Variants in IQCM observed in about 807,000 individuals in gnomAD.
IQCM encodes IQ motif containing M, also known as IQ domain-containing protein M.
Under a neutral mutation model 57.6 loss-of-function variants are expected in IQCM, and 45 were observed. The observed-to-expected ratio is 0.78, with a 90% CI of 0.62 to 1.00. The LOEUF is 1.00. IQCM is among the 50% of genes least tolerant of loss of function. The pLI is 0.00. For missense variants in IQCM, 468 were observed against 511.6 expected, an observed-to-expected ratio of 0.91 and a Z score of 0.82; for synonymous variants, 148 against 158.9, an observed-to-expected ratio of 0.93 and a Z score of 0.51.
intron 12 of IQCM, among the ~76,000 whole-genome samples, chr4:149,515,271 C>G (rs1744838864): frequency 6.6e-6 from 1 of 152,078 alleles, no homozygotes; most frequent in Non-Finnish European, 1.5e-5. Context: ...ATCAAGTCAC[C>G]ATGCGACCTG....
At chr4:149,593,347 A>G (rs1303959972) in intron 8 of IQCM, among the ~76,000 whole-genome samples, 2 of 152,068 alleles carry the variant, frequency 1.3e-5, no homozygotes, top group African/African-American at 2.4e-5. Flanking sequence ...CAGCTTAAGG[A>G]GATTTTGGGC....
intron 12 of IQCM, among the ~76,000 whole-genome samples, chr4:149,470,682 A>C (rs2149727704): frequency 6.6e-6 from 1 of 152,312 alleles, no homozygotes; most frequent in Middle Eastern, 3.4e-3. Flanking sequence ...TCTTCTCAGC[A>C]ATACATCACA....
chr4:149,357,788 T>C (rs1729118371), intron 13 of IQCM, among the ~76,000 whole-genome samples: 1 of 152,198 alleles, frequency 6.6e-6, no homozygotes, highest in African/African-American at 2.4e-5. Context: ...TTCCCTCTTT[T>C]TCTGTTGATT....
At chr4:149,812,509 C>CACACAG (rs1554045624) in intron 2 of IQCM, among the ~76,000 whole-genome samples, 53 of 146,214 alleles carry the variant, frequency 3.6e-4, no homozygotes, top group South Asian at 1.9e-3. Flanking sequence ...CACAGACACA[C>CACACAG]ACACACACAC....
At chr4:149,746,331 G>A (rs1767932404) in intron 2 of IQCM, among the ~76,000 whole-genome samples, 2 of 151,960 alleles carry the variant, frequency 1.3e-5, no homozygotes, top group African/African-American at 4.8e-5. Context: ...AATTCATCAA[G>A]TCTTCTAGGT....
chr4:149,489,019 T>C (rs887712598), intron 12 of IQCM, among the ~76,000 whole-genome samples: 1 of 152,152 alleles, frequency 6.6e-6, no homozygotes, highest in African/African-American at 2.4e-5. Context: ...CCCATCTAGC[T>C]AAAAGACTTT....
intron 13 of IQCM, among the ~76,000 whole-genome samples, chr4:149,407,815 CAT>C (rs1263504904): frequency 5.3e-5 from 8 of 152,252 alleles, no homozygotes; most frequent in African/African-American, 1.4e-4. Context: ...CTACAATAAA[CAT>C]ATAAACACAG....
chr4:149,728,461 T>C (rs964422144), intron 5 of IQCM, among the ~76,000 whole-genome samples: 3 of 152,216 alleles, frequency 2.0e-5, no homozygotes, highest in Non-Finnish European at 2.9e-5. Flanking sequence ...CACTGAGCTT[T>C]GTATATTTAC....
At chr4:149,355,135 TATA>T (rs1328461882) in intron 13 of IQCM, among the ~76,000 whole-genome samples, 1 of 152,170 alleles carries the variant, frequency 6.6e-6, no homozygotes, top group Non-Finnish European at 1.5e-5. Flanking sequence ...CACTGGCAAT[TATA>T]ATATTATTAT....
intron 12 of IQCM, among the ~76,000 whole-genome samples, chr4:149,439,950 T>C (rs1374360984): frequency 2.0e-5 from 3 of 148,760 alleles, no homozygotes; most frequent in Admixed American, 6.8e-5. Flanking sequence ...TCCAATTAAG[T>C]GTTGCTATTC....
At chr4:149,514,636 T>C (rs956673791) in intron 12 of IQCM, 1 of 152,236 alleles carries the variant, frequency 6.6e-6, no homozygotes, top group African/African-American at 2.4e-5. Flanking sequence ...CTGCAGGTTG[T>C]TTTTCAGTCT....
At position 149,794,323 on chromosome 4, in the gene IQCM, A is replaced by G. The variant is rs574211759; in HGVS notation, c.-49+20988T>C. ...GAGGAAAAGAGCTCACCTCTAAATA[A>G]TTTGAATAATTTTTCTGTGAAGTGC... On this transcript the variant is annotated intron_variant, in intron 2 of 13. Coordinates refer to ENST00000636793, the MANE Select transcript of IQCM (RefSeq NM_001363507.2). 5.9e-5 allele frequency among the ~76,000 whole-genome samples: 9 copies of G among 152,342 alleles called. 1 individual carries two copies. Among genetic ancestry groups the G allele is most frequent in the African/African-American group, 2.2e-4 (9 of 41,586 alleles).
chr4:149,395,492 T>G (rs554643175), intron 13 of IQCM, among the ~76,000 whole-genome samples: 56 of 152,132 alleles, frequency 3.7e-4, no homozygotes, highest in Non-Finnish European at 7.7e-4. Context: ...CCGGATTAAC[T>G]GTTTTATTGA....
intron 2 of IQCM, among the ~76,000 whole-genome samples, chr4:149,811,515 C>T (rs1307014302): frequency 6.6e-6 from 1 of 152,088 alleles, no homozygotes; most frequent in African/African-American, 2.4e-5. Flanking sequence ...AACGTAAAAG[C>T]TTTTATGATA....
intron 13 of IQCM, among the ~76,000 whole-genome samples, chr4:149,396,349 A>G (rs957516804): frequency 6.6e-6 from 1 of 151,646 alleles, no homozygotes; most frequent in Non-Finnish European, 1.5e-5. Context: ...ATATAAGAAA[A>G]TTTTCTATAT....
At chr4:149,503,154 G>A (rs909784948) in intron 12 of IQCM, among the ~76,000 whole-genome samples, 1 of 152,090 alleles carries the variant, frequency 6.6e-6, no homozygotes, top group East Asian at 1.9e-4. Context: ...CCAGAAGTTC[G>A]AGGTTACAGT....
chr4:149,415,991 T>C (rs955796801), intron 13 of IQCM, among the ~76,000 whole-genome samples: 33 of 152,142 alleles, frequency 2.2e-4, no homozygotes, highest in African/African-American at 8.0e-4. Context: ...ACATGGCACA[T>C]GTGCATATAT....
intron 8 of IQCM, among the ~76,000 whole-genome samples, chr4:149,590,236 C>CT (rs1753003057): frequency 2.8e-5 from 2 of 71,570 alleles, no homozygotes; most frequent in African/African-American, 5.3e-5. Flanking sequence ...TTGATTTTTT[C>CT]TTTTTCTTTC....
intron 6 of IQCM, 72 bp from the exon 7 acceptor site, chr4:149,682,278 G>T: frequency 1.8e-6 from 1 of 570,538 alleles, no homozygotes; most frequent in Non-Finnish European, 2.6e-6. Flanking sequence ...CAACACTAAA[G>T]TTATGGACTA....
Sources: gnomAD v4.1 joint callset for allele counts (sites outside exome capture counted in the v4.1 genomes callset) on GRCh38, gnomAD v4.1.1 for gene constraint, MANE v1.5 for transcripts, NCBI Gene and HGNC (gene_info 2026-07-23, HGNC 2026-07-21) for gene names.